The following STC1 variants were observed in gnomAD, a reference collection of about 807,000 sequenced individuals.
STC1 encodes stanniocalcin-1.
Under a neutral mutation model 22.6 loss-of-function variants are expected in STC1, and 7 were observed. The ratio of observed to expected loss-of-function variants is 0.31; its 90% CI spans 0.18 to 0.58. The LOEUF (loss-of-function observed/expected upper bound fraction) is 0.58, where lower values mean the gene tolerates loss of function less well. STC1 is among the 20% of genes least tolerant of loss of function. STC1 has a pLI of 0.89. For missense variants in STC1, 224 were observed against 311.0 expected, an observed-to-expected ratio of 0.72 and a Z score of 2.10; for synonymous variants, 113 against 120.7, an observed-to-expected ratio of 0.94 and a Z score of 0.42.
At chr8:23,853,315 G>A (rs1802660920) in intron 1 of STC1, among the ~76,000 whole-genome samples, 1 of 144,728 alleles carries the variant, frequency 6.9e-6, no homozygotes, top group South Asian at 2.2e-4. Context: ...CCCACCACCC[G>A]CAGCCTCTAG....
chr8:23,844,581 G>C lies in STC1; in HGVS notation c.*189C>G. The stretch of plus-strand genomic sequence containing the variant: ...ATGGTCACATGGATTTTGTTGGTGG[G>C]AATGCTGCCATTGCAGAATGTTGGG... On this transcript the variant is annotated 3_prime_UTR_variant, in exon 4 of 4. Transcript: ENST00000290271. The C allele has an allele frequency of 1.5e-6, 1 of 665,772 alleles. No homozygotes were observed. The highest frequency in any genetic ancestry group is 2.5e-6 in the Non-Finnish European group (1 of 402,040). 41.2% of individuals were successfully genotyped at this position (665,772 alleles called of 1,614,324 possible). A position where few individuals can be genotyped will look rare whatever the true frequency, so the allele number is the denominator to read the frequency against.
chr8:23,854,518 G>T lies in STC1; in HGVS notation c.6C>A (p.Leu2=). The change falls in exon 1 of 4, where the codon CTC becomes CTA. Residue 2 remains leucine, a synonymous_variant. Transcript: ENST00000290271. The part of the protein sequence containing the change: M[L]QNSAVLLVLV... Reference sequence around the variant, plus strand: ...GCACCAGAAGCACTGCTGAGTTTTGGAGCATTCTCTGAGAAGTTTCCGCTA... The same window carrying T: ...GCACCAGAAGCACTGCTGAGTTTTGTAGCATTCTCTGAGAAGTTTCCGCTA... 1.9e-6 allele frequency: 3 copies of T among 1,613,748 alleles called. No individual in the cohort carries two copies. Among genetic ancestry groups the T allele is most frequent in the Non-Finnish European group, 8.5e-7 (1 of 1,179,878 alleles).
intron 1 of STC1, 158 bp downstream of exon 1, chr8:23,854,248 C>T: frequency 1.1e-6 from 1 of 925,072 alleles, no homozygotes; most frequent in Non-Finnish European, 1.6e-6. Flanking sequence ...AAAGGAGCTC[C>T]ACTGCCTAAG....
At chr8:23,845,614 G>A (rs1416082381) in intron 3 of STC1, among the ~76,000 whole-genome samples, 1 of 151,992 alleles carries the variant, frequency 6.6e-6, no homozygotes, top group South Asian at 2.1e-4. Flanking sequence ...TCTGTCTAAG[G>A]CCCCCTCTTC....
intron 1 of STC1, chr8:23,854,100 A>G: frequency 1.7e-6 from 2 of 1,201,016 alleles, no homozygotes; most frequent in South Asian, 4.6e-5. Context: ...CCAACATTCA[A>G]GCCTTTCCTC....
intron 1 of STC1, among the ~76,000 whole-genome samples, chr8:23,853,509 A>T (rs1467749601): frequency 6.6e-6 from 1 of 152,164 alleles, no homozygotes; most frequent in Non-Finnish European, 1.5e-5. Flanking sequence ...CTCGGCAGGG[A>T]CCTGTGCTCT....
Position 23,851,514 on chromosome 8 carries a change from T to A in STC1, c.279A>T (p.Lys93Asn). The A allele has an allele frequency of 6.2e-7, 1 of 1,614,098 alleles. No homozygotes were observed. Among genetic ancestry groups the A allele is most frequent in the South Asian group, 1.1e-5 (1 of 91,072 alleles). Residue 93 changes from lysine (K) to asparagine (N), a missense_variant, in exon 3 of 4, where the codon AAA (lysine) becomes AAT (asparagine). Coordinates refer to ENST00000290271, the MANE Select transcript of STC1 (RefSeq NM_003155.3). Reference protein sequence around the residue: ...KFDTQGKAFVKESLKCIANGV... With the variant: ...KFDTQGKAFVNESLKCIANGV... ...CGTTGGCGATGCATTTTAAGCTCTC[T>A]TTGACGAATGCTTTTCCCTGCCATG...
intron 1 of STC1, among the ~76,000 whole-genome samples, chr8:23,853,351 A>G (rs1802661320): frequency 6.6e-6 from 1 of 151,520 alleles, no homozygotes; most frequent in Non-Finnish European, 1.5e-5. Context: ...TTCCCTAATT[A>G]TATATTTCCA....
At chr8:23,849,503 T>G (rs1268348829) in intron 3 of STC1, among the ~76,000 whole-genome samples, 13 of 152,264 alleles carry the variant, frequency 8.5e-5, no homozygotes, top group African/African-American at 2.9e-4. Flanking sequence ...CTAAAGGTGT[T>G]GAAAATAAGG....
rs1554520347 is a variant in STC1, at chr8:23,848,554, A to AG, written c.473+2765_473+2766insC. 2.4e-3 allele frequency among the ~76,000 whole-genome samples: 330 copies of AG among 139,294 alleles called. 2 individuals carry two copies. In the East Asian group the frequency reaches 0.031, roughly 13 times the overall value. The allele number at this position is 139,294 out of a possible 152,430, so 91.4% of individuals were successfully genotyped here. A position where few individuals can be genotyped will look rare whatever the true frequency, so the allele number is the denominator to read the frequency against. On this transcript the variant is annotated intron_variant, in intron 3 of 3. Coordinates refer to ENST00000290271, the MANE Select transcript of STC1 (RefSeq NM_003155.3). ...CAAAAAAAAAAAAAAAAAAAAAAAA[A>AG]AAGAAGAAGAAGATTCCTTTCTTTA...
Position 23,854,735 on chromosome 8 carries a change from T to C in STC1, c.-212A>G. On this transcript the variant is annotated 5_prime_UTR_variant, in exon 1 of 4. Transcript: ENST00000290271. ...CTGCTGCTGCTGCCGCCGCTGCTGC[T>C]GCTGCTGCCACCGCCGCTGCTGCTG... is the stretch of plus-strand genomic sequence containing the variant. 1 of 660,098 alleles carries C rather than the reference T, an allele frequency of 1.5e-6. No homozygotes were observed. Among genetic ancestry groups the C allele is most frequent in the Non-Finnish European group, 2.8e-6 (1 of 356,198 alleles). 40.9% of individuals were successfully genotyped at this position (660,098 alleles called of 1,614,324 possible).
rs1480696354 is a variant in STC1 at position 23,854,705 on chromosome 8, C to CGCTGCTGCTGCTGCTGCCGCCGCTGCT, written c.-209_-183dup. ...ATGCTGCTGCTGCCACCGGTGCCTC[C>CGCTGCTGCTGCTGCTGCCGCCGCTGCT]GCTGCTGCTGCTGCTGCCGCCGCTG... is the stretch of plus-strand genomic sequence containing the variant. On this transcript the variant is annotated 5_prime_UTR_variant, in exon 1 of 4. Transcript: ENST00000290271. 1.9e-5 allele frequency: 13 copies of CGCTGCTGCTGCTGCTGCCGCCGCTGCT among 693,912 alleles called. No individual in the cohort carries two copies. The highest frequency in any genetic ancestry group is 3.4e-5 in the Non-Finnish European group (13 of 380,766). The allele number at this position is 693,912 out of a possible 1,614,324, so 43.0% of individuals were successfully genotyped here. A position where few individuals can be genotyped will look rare whatever the true frequency, so the allele number is the denominator to read the frequency against.
rs796433655 is a variant in STC1 at position 23,848,529 on chromosome 8, CAAAAAAAAAAAAA to C, written c.473+2778_473+2790del. Among the ~76,000 whole-genome samples, 8 of 63,616 alleles carry C rather than the reference CAAAAAAAAAAAAA, an allele frequency of 1.3e-4. No homozygotes were observed. In the Admixed American group the frequency reaches 1.3e-3, roughly 10 times the overall value. The allele number at this position is 63,616 out of a possible 152,430, so 41.7% of individuals were successfully genotyped here. A position where few individuals can be genotyped will look rare whatever the true frequency, so the allele number is the denominator to read the frequency against. ...CCTGGGCAACAGAGCGATACTCTGT[CAAAAAAAAAAAAA>C]AAAAAAAAAAAAAAGAAGAAGAAGA... On this transcript the variant is annotated intron_variant, in intron 3 of 3. Transcript: ENST00000290271.
rs1802549107 is a variant in STC1, at chr8:23,844,617, C to T, written c.*153G>A. The T allele has an allele frequency of 4.8e-6, 4 of 839,194 alleles. No individual in the cohort carries two copies. The highest frequency in any genetic ancestry group is 3.4e-5 in the African/African-American group (2 of 58,090). 52.0% of individuals were successfully genotyped at this position (839,194 alleles called of 1,614,324 possible). A position where few individuals can be genotyped will look rare whatever the true frequency, so the allele number is the denominator to read the frequency against. On this transcript the variant is annotated 3_prime_UTR_variant, in exon 4 of 4. Coordinates refer to ENST00000290271, the MANE Select transcript of STC1 (RefSeq NM_003155.3). ...TTGCAGAATGTTGGGATATTGATTA[C>T]AGAAGCCTAGTTTCATGCAATTTTC...
Position 23,841,935 on chromosome 8 carries a change from G to GT in STC1, c.*2834dup, listed in dbSNP as rs556713508. On this transcript the variant is annotated 3_prime_UTR_variant, in exon 4 of 4. Coordinates refer to ENST00000290271, the MANE Select transcript of STC1 (RefSeq NM_003155.3). ...AGACATGGGGGGAAACCAATAAAAC[G>GT]TAACACTTTATTATTATTTTTATCT... 2 of 152,606 alleles carry GT rather than the reference G, an allele frequency of 1.3e-5. No individual in the cohort carries two copies. The highest frequency in any genetic ancestry group is 2.4e-5 in the African/African-American group (1 of 41,514). The allele number at this position is 152,606 out of a possible 1,614,324, so 9.5% of individuals were successfully genotyped here.
intron 1 of STC1, among the ~76,000 whole-genome samples, chr8:23,852,627 C>G (rs1457961957): frequency 1.3e-5 from 2 of 152,126 alleles, no homozygotes; most frequent in African/African-American, 4.8e-5. Context: ...GACACACGCT[C>G]CCTGTTTCAC....
rs34552249 is a variant in STC1 at position 23,853,035 on chromosome 8, AAAAGAAAG to A, written c.119-659_119-652del. 1.5e-3 allele frequency among the ~76,000 whole-genome samples: 222 copies of A among 150,826 alleles called. 3 individuals are homozygous for A. Among genetic ancestry groups the A allele is most frequent in the African/African-American group, 4.7e-3 (193 of 40,906 alleles). On this transcript the variant is annotated intron_variant, in intron 1 of 3. Coordinates refer to ENST00000290271, the MANE Select transcript of STC1 (RefSeq NM_003155.3). ...CTCTTTCATATTAAAAGCCTTTTAA[AAAAGAAAG>A]AAAGAAAGAAAGAAAGAAAGAAGAA... is the stretch of plus-strand genomic sequence containing the variant.
intron 3 of STC1, among the ~76,000 whole-genome samples, chr8:23,849,089 C>A (rs979036472): frequency 1.3e-5 from 2 of 152,226 alleles, no homozygotes; most frequent in African/African-American, 4.8e-5. Context: ...CTTGTTCTGG[C>A]TCCTGGTCCA....
At position 23,844,394 on chromosome 8, in the gene STC1, C is replaced by T. The variant is rs982170569; in HGVS notation, c.*376G>A. Reference sequence around the variant, plus strand: ...TAAATAAAGTTTCCTTATCAGCTAACTCTACTGGGGCAACCGTTCTAAAGG... The same window carrying T: ...TAAATAAAGTTTCCTTATCAGCTAATTCTACTGGGGCAACCGTTCTAAAGG... On this transcript the variant is annotated 3_prime_UTR_variant, in exon 4 of 4. Coordinates refer to ENST00000290271, the MANE Select transcript of STC1 (RefSeq NM_003155.3). The T allele has an allele frequency of 9.1e-6, 2 of 220,294 alleles. No homozygotes were observed. The highest frequency in any genetic ancestry group is 5.1e-5 in the Admixed American group (1 of 19,562). The allele number at this position is 220,294 out of a possible 1,614,324, so 13.6% of individuals were successfully genotyped here.
Sources: allele counts gnomAD v4.1 joint callset (sites outside exome capture counted in the v4.1 genomes callset), GRCh38; gene constraint gnomAD v4.1.1; transcripts MANE v1.5; gene names NCBI Gene and HGNC (gene_info 2026-07-23, HGNC 2026-07-21).